GNG2: variants seen among roughly 807,000 people sequenced by gnomAD.
GNG2 encodes G protein subunit gamma 2.
In GNG2, 5 loss-of-function variants were observed where a neutral mutation model predicts 5.5. The ratio of observed to expected loss-of-function variants is 0.91; its 90% CI spans 0.48 to 1.92. The LOEUF (loss-of-function observed/expected upper bound fraction) is 1.92, where lower values mean the gene tolerates loss of function less well. Among genes scored for constraint, GNG2 ranks in the 30% most tolerant of loss-of-function variants. GNG2 has a pLI of 0.01. For synonymous variants in GNG2, 28 were observed against 32.0 expected (o/e 0.88, Z 0.42); for missense variants, 55 against 88.4 (o/e 0.62, Z 1.52).
intron 2 of GNG2, among the ~76,000 whole-genome samples, chr14:51,854,862 C>T (rs1189941710): frequency 6.6e-6 from 1 of 152,124 alleles, no homozygotes; most frequent in Non-Finnish European, 1.5e-5. Flanking sequence ...GCCTCCCTCC[C>T]GTCTTTTGCC....
intron 1 of GNG2, among the ~76,000 whole-genome samples, chr14:51,872,310 T>TTGTGTGTGTGTGTGTGTGTGTGTGTG (rs35147124): frequency 1.3e-5 from 2 of 149,876 alleles, no homozygotes; most frequent in African/African-American, 4.9e-5. Context: ...AATGACTATT[T>TTGTGTGTGTGTGTGTGTGTGTGTGTG]TGTGTGTGTG....
chr14:51,886,502 C>T (rs1034096537), intron 2 of GNG2, among the ~76,000 whole-genome samples: 1 of 152,168 alleles, frequency 6.6e-6, no homozygotes, highest in Non-Finnish European at 1.5e-5. Flanking sequence ...GTATTGGAAA[C>T]AATTGGCATC....
At chr14:51,966,523 G>C (rs2140311953) in intron 3 of GNG2, 36 bp from the exon 4 acceptor site, 3 of 1,601,564 alleles carry the variant, frequency 1.9e-6, no homozygotes, top group Middle Eastern at 1.7e-4. Flanking sequence ...GACTGTACCA[G>C]ACTCCAGTGT....
intron 2 of GNG2, among the ~76,000 whole-genome samples, chr14:51,944,711 T>C (rs889308212): frequency 6.6e-6 from 1 of 152,022 alleles, no homozygotes. Flanking sequence ...AAAGAAAACA[T>C]AGGGCAAAAG....
At position 51,969,561 on chromosome 14, in the gene GNG2, C is replaced by G. The variant is rs1318838791; in HGVS notation, c.*2874C>G. ...TTTAGGAATTTTTATACTTCTTTGT[C>G]TTTCTTCCTTAATATTTGCTTCTAG... On this transcript the variant is annotated 3_prime_UTR_variant, in exon 4 of 4. Coordinates refer to ENST00000556766, the MANE Select transcript of GNG2 (RefSeq NM_053064.5). The G allele has an allele frequency of 6.6e-6, 1 of 152,180 alleles. No homozygotes were observed. Among genetic ancestry groups the G allele is most frequent in the Non-Finnish European group, 1.5e-5 (1 of 68,034 alleles). The allele number at this position is 152,180 out of a possible 1,614,324, so 9.4% of individuals were successfully genotyped here.
chr14:51,893,908 G>A (rs967592274), intron 2 of GNG2, among the ~76,000 whole-genome samples: 1 of 151,874 alleles, frequency 6.6e-6, no homozygotes, highest in African/African-American at 2.4e-5. Flanking sequence ...GGATCAATTT[G>A]GATCAATTTC....
At chr14:51,949,368 T>C (rs1888839315) in intron 2 of GNG2, among the ~76,000 whole-genome samples, 1 of 152,168 alleles carries the variant, frequency 6.6e-6, no homozygotes, top group African/African-American at 2.4e-5. Flanking sequence ...CAATAATTAT[T>C]TGTTGATTTT....
In GNG2 at chr14:51,921,516, C is replaced by A. The variant is rs571178175; in HGVS notation, c.-29-29134C>A. On this transcript the variant is annotated intron_variant, in intron 2 of 3. Coordinates refer to ENST00000556766, the MANE Select transcript of GNG2 (RefSeq NM_053064.5). ...GTGTTAGGCATGTTTTAAAGCACAA[C>A]TTTTTATTGTTGGAAGAAGGCCCAA... Among the ~76,000 whole-genome samples, 5 of 152,304 alleles carry A rather than the reference C, an allele frequency of 3.3e-5. No homozygotes were observed. The South Asian group carries it at 1.0e-3, about 32-fold the overall frequency.
At chr14:51,902,294 T>C (rs1035822288) in intron 2 of GNG2, among the ~76,000 whole-genome samples, 4 of 152,250 alleles carry the variant, frequency 2.6e-5, no homozygotes, top group African/African-American at 9.6e-5. Context: ...ATTTGTTTTC[T>C]ATATTACATA....
chr14:51,891,902 C>G (rs989938978), intron 2 of GNG2, among the ~76,000 whole-genome samples: 2 of 152,186 alleles, frequency 1.3e-5, no homozygotes, highest in Non-Finnish European at 2.9e-5. Flanking sequence ...CTGTTCATGT[C>G]TCCTGGTTCA....
chr14:51,867,408 C>T (rs1882971100), intron 1 of GNG2, among the ~76,000 whole-genome samples: 1 of 152,176 alleles, frequency 6.6e-6, no homozygotes, highest in Non-Finnish European at 1.5e-5. Flanking sequence ...TTTCCCACTC[C>T]TCAAAACCAG....
chr14:51,882,332 A>C (rs1884135893), intron 2 of GNG2, among the ~76,000 whole-genome samples: 1 of 152,164 alleles, frequency 6.6e-6, no homozygotes, highest in Non-Finnish European at 1.5e-5. Context: ...AAAGAAAAGG[A>C]CTGTTTCCTC....
Position 51,877,032 on chromosome 14 carries a change from C to G in GNG2, c.-70-585C>G, listed in dbSNP as rs188053362. On this transcript the variant is annotated intron_variant, in intron 1 of 3. Transcript: ENST00000556766. ...AAACGTAGGCCACTCTGCCTGATAG[C>G]CACAGAGGTCATTAGTGGCTAAGGG... 4.3e-3 allele frequency among the ~76,000 whole-genome samples: 653 copies of G among 152,242 alleles called. 6 individuals carry two copies. Among genetic ancestry groups the G allele is most frequent in the African/African-American group, 0.015 (611 of 41,522 alleles).
intron 2 of GNG2, among the ~76,000 whole-genome samples, chr14:51,836,303 A>G (rs2748132): frequency 0.32 from 49,207 of 151,758 alleles, 9,301 homozygotes; most frequent in South Asian, 0.41. Flanking sequence ...AAAACACCCA[A>G]TGCATAGCAG....
intron 3 of GNG2, among the ~76,000 whole-genome samples, chr14:51,958,135 C>T (rs1171806531): frequency 5.3e-5 from 8 of 152,142 alleles, no homozygotes; most frequent in African/African-American, 1.2e-4. Flanking sequence ...TTGATGTTTC[C>T]GTTGGCACAG....
intron 2 of GNG2, among the ~76,000 whole-genome samples, chr14:51,937,527 A>G (rs1456957335): frequency 6.6e-6 from 1 of 152,218 alleles, no homozygotes; most frequent in Non-Finnish European, 1.5e-5. Flanking sequence ...GGTTGTCTAT[A>G]GGTGCTAGGG....
intron 2 of GNG2, among the ~76,000 whole-genome samples, chr14:51,934,140 G>A (rs903949576): frequency 1.2e-4 from 19 of 152,122 alleles, no homozygotes; most frequent in African/African-American, 4.3e-4. Context: ...TCCATGATAG[G>A]CCACGGACTC....
intron 2 of GNG2, among the ~76,000 whole-genome samples, chr14:51,942,748 A>ATT (rs1220055105): frequency 6.6e-6 from 1 of 151,332 alleles, no homozygotes; most frequent in Non-Finnish European, 1.5e-5. Flanking sequence ...TTTAAAAGAC[A>ATT]TTTTGGCTAT....
chr14:51,966,227 A>AAAAAAAAC (rs1566720316), intron 3 of GNG2, among the ~76,000 whole-genome samples: 112 of 148,938 alleles, frequency 7.5e-4, no homozygotes, highest in African/African-American at 2.6e-3. Flanking sequence ...AAAAAAAAAA[A>AAAAAAAAC]AAAAAAAAAA....
Sources: allele counts gnomAD v4.1 joint callset (sites outside exome capture counted in the v4.1 genomes callset), GRCh38; gene constraint gnomAD v4.1.1; transcripts MANE v1.5; gene names NCBI Gene and HGNC (gene_info 2026-07-23, HGNC 2026-07-21).